The following SDC2 variants were observed in gnomAD, a reference collection of about 807,000 sequenced individuals.
SDC2 encodes the protein syndecan 2, also known as syndecan-2.
In SDC2, 13 loss-of-function variants were observed where a neutral mutation model predicts 22.2. That is an observed-to-expected ratio of 0.59 (90% CI 0.38 to 0.93). The LOEUF (loss-of-function observed/expected upper bound fraction) is 0.93, where lower values mean the gene tolerates loss of function less well. Among genes scored for constraint, SDC2 ranks in the 40% least tolerant of loss-of-function variants. The pLI is 0.00. For missense variants in SDC2, 235 were observed against 246.8 expected (o/e 0.95, Z 0.32); for synonymous variants, 94 against 92.8 (o/e 1.01, Z -0.07).
chr8:96,557,569 G>T (rs1586298555), intron 1 of SDC2, among the ~76,000 whole-genome samples: 2 of 144,718 alleles, frequency 1.4e-5, no homozygotes, highest in East Asian at 4.1e-4. Flanking sequence ...GGTGGGAACT[G>T]AACAATGAGA....
intron 3 of SDC2, 79 bp downstream of exon 3, chr8:96,602,607 T>A (rs1347941341): frequency 6.9e-7 from 1 of 1,456,876 alleles, no homozygotes; most frequent in South Asian, 1.3e-5. Flanking sequence ...CAACAGTCCC[T>A]TTTGTATTAT....
At chr8:96,564,679 A>G (rs1006625409) in intron 1 of SDC2, among the ~76,000 whole-genome samples, 1 of 152,166 alleles carries the variant, frequency 6.6e-6, no homozygotes, top group African/African-American at 2.4e-5. Flanking sequence ...TTCCTTACAC[A>G]CCTGTAGACT....
intron 1 of SDC2, among the ~76,000 whole-genome samples, chr8:96,550,067 C>A (rs1394534651): frequency 6.6e-6 from 1 of 152,116 alleles, no homozygotes; most frequent in Admixed American, 6.5e-5. Flanking sequence ...CTTAGCTCAT[C>A]TGAAAATGGG....
At chr8:96,609,321 A>G in intron 4 of SDC2, 64 bp from the exon 5 acceptor site, 1 of 1,331,230 alleles carries the variant, frequency 7.5e-7, no homozygotes, top group South Asian at 1.6e-5. Flanking sequence ...TAGGCTTGAC[A>G]ATAAAGCTAA....
chr8:96,560,162 C>T (rs1002025582), intron 1 of SDC2, among the ~76,000 whole-genome samples: 1 of 152,094 alleles, frequency 6.6e-6, no homozygotes, highest in Non-Finnish European at 1.5e-5. Context: ...TCAACCCTTT[C>T]CAGTCCTAGG....
intron 1 of SDC2, among the ~76,000 whole-genome samples, chr8:96,507,154 A>G (rs1813254534): frequency 6.6e-6 from 1 of 152,224 alleles, no homozygotes; most frequent in Admixed American, 6.5e-5. Flanking sequence ...TTTAAAAGGA[A>G]ACACATCCAG....
At chr8:96,587,986 G>T (rs1814714993) in intron 1 of SDC2, among the ~76,000 whole-genome samples, 1 of 152,104 alleles carries the variant, frequency 6.6e-6, no homozygotes, top group Admixed American at 6.5e-5. Context: ...TTGTTGAGAT[G>T]ATTAGATGAG....
chr8:96,553,627 C>T (rs527932220), intron 1 of SDC2, among the ~76,000 whole-genome samples: 1 of 152,168 alleles, frequency 6.6e-6, no homozygotes, highest in East Asian at 1.9e-4. Context: ...GAACCGCACA[C>T]ACCAGTAGCA....
intron 1 of SDC2, among the ~76,000 whole-genome samples, chr8:96,577,302 G>A (rs1437083137): frequency 6.6e-6 from 1 of 152,206 alleles, no homozygotes; most frequent in Non-Finnish European, 1.5e-5. Flanking sequence ...ACCATCTCTT[G>A]TGTGATTCAT....
intron 1 of SDC2, among the ~76,000 whole-genome samples, chr8:96,567,122 G>A (rs1814314074): frequency 6.6e-6 from 1 of 152,206 alleles, no homozygotes; most frequent in African/African-American, 2.4e-5. Context: ...CCAAAGTGTT[G>A]GGATTACAGG....
chr8:96,602,306 T>G (rs1815001592), intron 2 of SDC2, 89 bp from the exon 3 acceptor site: 1 of 1,317,520 alleles, frequency 7.6e-7, no homozygotes, highest in African/African-American at 1.5e-5. Context: ...CATGATTCTG[T>G]CAGTGTCAAC....
chr8:96,535,092 C>T (rs1009703586), intron 1 of SDC2, among the ~76,000 whole-genome samples: 1 of 152,072 alleles, frequency 6.6e-6, no homozygotes, highest in Non-Finnish European at 1.5e-5. Flanking sequence ...CAACCTCCGC[C>T]TCCCAGGTCC....
intron 1 of SDC2, among the ~76,000 whole-genome samples, chr8:96,544,182 GA>G: frequency 6.6e-6 from 1 of 150,818 alleles, no homozygotes; most frequent in African/African-American, 2.4e-5. Context: ...TCCTTGTTAG[GA>G]AAAAAAAATA....
intron 1 of SDC2, among the ~76,000 whole-genome samples, chr8:96,503,751 G>T (rs1441851122): frequency 2.0e-5 from 3 of 152,078 alleles, no homozygotes; most frequent in African/African-American, 7.2e-5. Flanking sequence ...TCAAAAAATG[G>T]CACCAGAGCT....
At chr8:96,591,821 G>T (rs767806181) in intron 1 of SDC2, among the ~76,000 whole-genome samples, 26 of 152,014 alleles carry the variant, frequency 1.7e-4, no homozygotes, top group Non-Finnish European at 2.9e-4. Context: ...AACCCAAGCG[G>T]TGTTTACTGA....
intron 1 of SDC2, among the ~76,000 whole-genome samples, chr8:96,540,955 G>A (rs892266972): frequency 2.6e-5 from 4 of 152,074 alleles, no homozygotes; most frequent in Non-Finnish European, 5.9e-5. Flanking sequence ...GTTCATCTCT[G>A]TTTATCTAAG....
At position 96,611,640 on chromosome 8, in the gene SDC2, C is replaced by G. The variant is rs1207928890; in HGVS notation, c.*2092C>G. ...TAACTGTGCAAAGCAGAGTGAAATT[C>G]AATTCATAGAATAACAACTGCTGGG... On this transcript the variant is annotated 3_prime_UTR_variant, in exon 5 of 5. Transcript: ENST00000302190. 1 of 152,548 alleles carries G rather than the reference C, an allele frequency of 6.6e-6. No individual in the cohort carries two copies. The highest frequency in any genetic ancestry group is 1.5e-5 in the Non-Finnish European group (1 of 68,030). The allele number at this position is 152,548 out of a possible 1,614,324, so 9.4% of individuals were successfully genotyped here.
chr8:96,523,317 T>C (rs1813526124), intron 1 of SDC2, among the ~76,000 whole-genome samples: 1 of 152,226 alleles, frequency 6.6e-6, no homozygotes, highest in Admixed American at 6.5e-5. Context: ...AAGTAGTTCA[T>C]GAATCCTTTA....
chr8:96,532,412 G>GTTTTTTTTT lies in SDC2; in HGVS notation c.60+38096_60+38104dup, dbSNP rs35452131. ...CCTGAGTCTCTCTGCTTATTGAGGC[G>GTTTTTTTTT]TTTTTTTTTTTTTTTTTTTTTTTGG... On this transcript the variant is annotated intron_variant, in intron 1 of 4. Coordinates refer to ENST00000302190, the MANE Select transcript of SDC2 (RefSeq NM_002998.4). Among the ~76,000 whole-genome samples, 210 of 47,930 alleles carry GTTTTTTTTT rather than the reference G, an allele frequency of 4.4e-3. 23 individuals carry two copies. The highest frequency in any genetic ancestry group is 0.02 in the African/African-American group (194 of 9,544). The allele number at this position is 47,930 out of a possible 152,430, so 31.4% of individuals were successfully genotyped here.
Sources: allele counts gnomAD v4.1 joint callset (sites outside exome capture counted in the v4.1 genomes callset), GRCh38; gene constraint gnomAD v4.1.1; transcripts MANE v1.5; gene names NCBI Gene and HGNC (gene_info 2026-07-23, HGNC 2026-07-21).